PTPRD: variants seen among roughly 807,000 people sequenced by gnomAD.
PTPRD encodes the protein protein tyrosine phosphatase receptor type D.
In PTPRD, 34 loss-of-function variants were observed where a neutral mutation model predicts 214.5. That is an observed-to-expected ratio of 0.16 (90% CI 0.12 to 0.21). The LOEUF is 0.21. PTPRD is among the 10% of genes least tolerant of loss of function. The pLI is 1.00. For missense variants in PTPRD, 2,545 were observed against 2,398.7 expected, an observed-to-expected ratio of 1.06 and a Z score of -1.27; for synonymous variants, 1,128 against 845.7, an observed-to-expected ratio of 1.33 and a Z score of -5.79.
intron 35 of PTPRD, among the ~76,000 whole-genome samples, chr9:8,424,202 G>T (rs375922815): frequency 6.6e-6 from 1 of 152,086 alleles, no homozygotes; most frequent in Non-Finnish European, 1.5e-5. Flanking sequence ...CTTCCTTGGG[G>T]TCACCTGACT....
intron 10 of PTPRD, among the ~76,000 whole-genome samples, chr9:9,106,137 G>C (rs2154445429): frequency 6.6e-6 from 1 of 152,142 alleles, no homozygotes; most frequent in Admixed American, 6.5e-5. Context: ...CATCATTTTT[G>C]TTATCCACTT....
intron 9 of PTPRD, among the ~76,000 whole-genome samples, chr9:9,261,862 A>G (rs1296274310): frequency 6.6e-6 from 1 of 151,804 alleles, no homozygotes; most frequent in African/African-American, 2.4e-5. Context: ...TAAACTTTGT[A>G]AAAAGGTAAA....
chr9:8,450,117 G>T (rs1447587661), intron 33 of PTPRD, among the ~76,000 whole-genome samples: 1 of 152,088 alleles, frequency 6.6e-6, no homozygotes, highest in Non-Finnish European at 1.5e-5. Context: ...AAGGGATCTT[G>T]GTGAGATACG....
At chr9:8,944,383 C>G (rs993264407) in intron 11 of PTPRD, among the ~76,000 whole-genome samples, 5 of 152,020 alleles carry the variant, frequency 3.3e-5, no homozygotes, top group African/African-American at 4.8e-5. Flanking sequence ...TCATATGATC[C>G]AGCAATTCCA....
intron 24 of PTPRD, among the ~76,000 whole-genome samples, chr9:8,500,496 A>G (rs2097371353): frequency 6.8e-6 from 1 of 147,588 alleles, no homozygotes; most frequent in African/African-American, 2.5e-5. Flanking sequence ...GGACTGCAAG[A>G]CCATAGGAGC....
rs2097850552 is a variant in PTPRD at position 10,065,112 on chromosome 9, T to G, written c.-544-31322A>C. 2.2e-5 allele frequency among the ~76,000 whole-genome samples: 3 copies of G among 136,948 alleles called. 1 individual carries two copies. The Admixed American group carries it at 2.3e-4, about 11-fold the overall frequency. 89.8% of individuals were successfully genotyped at this position (136,948 alleles called of 152,430 possible). ...CTCTGGAAATTATCAAATAAAATCT[T>G]CTGCCTAATACTTTGTTGTGACTTG... On this transcript the variant is annotated intron_variant, in intron 3 of 45. Coordinates refer to ENST00000381196, the MANE Select transcript of PTPRD (RefSeq NM_002839.4).
intron 11 of PTPRD, among the ~76,000 whole-genome samples, chr9:8,778,595 A>C (rs1277975844): frequency 1.3e-5 from 2 of 152,174 alleles, no homozygotes; most frequent in Non-Finnish European, 2.9e-5. Flanking sequence ...CACAGGACCA[A>C]TTCTGCTTTG....
intron 3 of PTPRD, among the ~76,000 whole-genome samples, chr9:10,086,153 G>T (rs190468801): frequency 2.0e-5 from 3 of 151,862 alleles, no homozygotes; most frequent in Non-Finnish European, 4.4e-5. Context: ...GGCTAAAAAT[G>T]GGTGTATTTC....
intron 5 of PTPRD, among the ~76,000 whole-genome samples, chr9:9,807,914 A>C (rs2153530822): frequency 6.6e-6 from 1 of 152,308 alleles, no homozygotes; most frequent in East Asian, 1.9e-4. Flanking sequence ...CCCTAAGAGC[A>C]GTTTTTATAT....
intron 3 of PTPRD, among the ~76,000 whole-genome samples, chr9:10,155,801 G>C (rs1028751942): frequency 6.6e-6 from 1 of 151,996 alleles, no homozygotes; most frequent in African/African-American, 2.4e-5. Flanking sequence ...AGCCTACTTG[G>C]TTGTGGTGGA....
At chr9:8,383,921 A>G (rs1469663735) in intron 37 of PTPRD, among the ~76,000 whole-genome samples, 1 of 152,144 alleles carries the variant, frequency 6.6e-6, no homozygotes, top group Non-Finnish European at 1.5e-5. Context: ...GCTAATACTA[A>G]TCAGGGTTAC....
At chr9:9,412,036 C>A (rs2075607575) in intron 8 of PTPRD, among the ~76,000 whole-genome samples, 1 of 152,162 alleles carries the variant, frequency 6.6e-6, no homozygotes, top group African/African-American at 2.4e-5. Context: ...CGGGATCTTT[C>A]TGCTATGCCT....
chr9:9,491,620 A>G (rs1043327448), intron 8 of PTPRD, among the ~76,000 whole-genome samples: 1 of 152,060 alleles, frequency 6.6e-6, no homozygotes, highest in African/African-American at 2.4e-5. Context: ...TAAATTTAGA[A>G]GTTAAAAACA....
chr9:8,789,982 C>T (rs2096157549), intron 11 of PTPRD, among the ~76,000 whole-genome samples: 1 of 152,110 alleles, frequency 6.6e-6, no homozygotes, highest in African/African-American at 2.4e-5. Context: ...CAATACTATA[C>T]AACTCACTTT....
chr9:8,950,571 C>T (rs773511411), intron 11 of PTPRD, among the ~76,000 whole-genome samples: 6 of 151,380 alleles, frequency 4.0e-5, no homozygotes, highest in Non-Finnish European at 8.8e-5. Flanking sequence ...GTAATGAAAA[C>T]ATATTTTCAG....
At chr9:9,142,917 C>G (rs952581466) in intron 10 of PTPRD, among the ~76,000 whole-genome samples, 1 of 151,946 alleles carries the variant, frequency 6.6e-6, no homozygotes, top group Non-Finnish European at 1.5e-5. Flanking sequence ...GAGTTCAACC[C>G]CTAGGGAACA....
chr9:9,835,290 G>A (rs2153615812), intron 5 of PTPRD, among the ~76,000 whole-genome samples: 1 of 152,124 alleles, frequency 6.6e-6, no homozygotes, highest in East Asian at 1.9e-4. Flanking sequence ...TACAACCCCT[G>A]AGACTTTTTT....
At chr9:9,082,231 C>T (rs537160232) in intron 10 of PTPRD, among the ~76,000 whole-genome samples, 2 of 151,730 alleles carry the variant, frequency 1.3e-5, no homozygotes, top group Non-Finnish European at 3.0e-5. Context: ...AAACCGAATC[C>T]AGCAGCACAT....
chr9:9,225,515 AATCT>A (rs1455303679), intron 9 of PTPRD, among the ~76,000 whole-genome samples: 2 of 152,016 alleles, frequency 1.3e-5, no homozygotes, highest in Non-Finnish European at 2.9e-5. Flanking sequence ...TTGTGCTACA[AATCT>A]ATCTATGCAG....
Sources: allele counts gnomAD v4.1 joint callset (sites outside exome capture counted in the v4.1 genomes callset), GRCh38; gene constraint gnomAD v4.1.1; transcripts MANE v1.5; gene names NCBI Gene and HGNC (gene_info 2026-07-23, HGNC 2026-07-21).